The following STK3 variants were observed in gnomAD, a reference collection of about 807,000 sequenced individuals.
STK3 encodes serine/threonine-protein kinase 3.
STK3 carries 41 observed loss-of-function variants against 58.0 expected under a neutral mutation model. That is an observed-to-expected ratio of 0.71 (90% CI 0.55 to 0.92). The LOEUF (loss-of-function observed/expected upper bound fraction) is 0.92. Ranked by LOEUF, STK3 falls within the 40% of genes least tolerant of loss-of-function variation. The pLI, the probability that STK3 is intolerant of heterozygous loss-of-function variation, is 0.00. For missense variants in STK3, 479 were observed against 602.7 expected (o/e 0.79, Z 2.15); for synonymous variants, 170 against 191.0 (o/e 0.89, Z 0.91).
intron 6 of STK3, among the ~76,000 whole-genome samples, chr8:98,666,930 T>C (rs868234345): frequency 2.0e-5 from 3 of 152,112 alleles, no homozygotes; most frequent in Non-Finnish European, 4.4e-5. Context: ...GTGTAAACCT[T>C]AATTCGTATA....
chr8:98,569,008 G>A (rs1478049988), intron 8 of STK3, among the ~76,000 whole-genome samples: 1 of 152,190 alleles, frequency 6.6e-6, no homozygotes, highest in East Asian at 1.9e-4. Flanking sequence ...TATTAGGAAA[G>A]TTTTAAATAA....
At chr8:98,910,891 A>C (rs1403028058) in intron 1 of STK3, among the ~76,000 whole-genome samples, 8 of 152,352 alleles carry the variant, frequency 5.3e-5, no homozygotes, top group African/African-American at 1.9e-4. Context: ...TTATAGCCCC[A>C]GGGAGAGCAT....
At chr8:98,425,487 G>A (rs138113905) in intron 3 of STK3, among the ~76,000 whole-genome samples, 94 of 152,314 alleles carry the variant, frequency 6.2e-4, no homozygotes, top group African/African-American at 2.2e-3. Flanking sequence ...GAAAGAGGAA[G>A]TGTGTGTGGC....
intron 8 of STK3, among the ~76,000 whole-genome samples, chr8:98,550,704 C>T (rs1019022196): frequency 5.9e-5 from 9 of 152,106 alleles, no homozygotes; most frequent in African/African-American, 2.2e-4. Flanking sequence ...AGGACTCTCC[C>T]ATCTAACTTT....
intron 1 of STK3, among the ~76,000 whole-genome samples, chr8:98,783,748 T>C (rs1832271388): frequency 6.6e-6 from 1 of 152,258 alleles, no homozygotes; most frequent in Non-Finnish European, 1.5e-5. Context: ...GCTTTCTCAA[T>C]TAAGATTATG....
intron 3 of STK3, among the ~76,000 whole-genome samples, chr8:98,409,685 G>C (rs1464844793): frequency 6.6e-6 from 1 of 152,356 alleles, no homozygotes; most frequent in East Asian, 1.9e-4. Flanking sequence ...TAACTTATGT[G>C]TCAAACCATG....
chr8:98,659,923 C>G (rs946737810), intron 6 of STK3, among the ~76,000 whole-genome samples: 10 of 151,036 alleles, frequency 6.6e-5, no homozygotes, highest in African/African-American at 2.4e-4. Context: ...AAGAACAAAC[C>G]AGGCAAATGG....
At chr8:98,530,328 A>G (rs752676509) in intron 9 of STK3, among the ~76,000 whole-genome samples, 3 of 152,108 alleles carry the variant, frequency 2.0e-5, no homozygotes, top group Non-Finnish European at 4.4e-5. Context: ...CACTCTCTGA[A>G]AAGTCCCAGT....
At chr8:98,838,290 A>G (rs1209699054) in intron 3 of STK3, among the ~76,000 whole-genome samples, 1 of 151,982 alleles carries the variant, frequency 6.6e-6, no homozygotes, top group Non-Finnish European at 1.5e-5. Flanking sequence ...CTATAAACTA[A>G]TGTTTCTTGC....
chr8:98,444,064 T>C (rs1176818035), intron 1 of STK3, among the ~76,000 whole-genome samples: 2 of 152,268 alleles, frequency 1.3e-5, no homozygotes, highest in East Asian at 3.8e-4. Context: ...GGGCCTGTGC[T>C]GGTGCTACAG....
chr8:98,741,789 C>G (rs1161209070), intron 4 of STK3, among the ~76,000 whole-genome samples: 3 of 151,490 alleles, frequency 2.0e-5, no homozygotes, highest in Admixed American at 1.3e-4. Context: ...ACTAATGAAT[C>G]CAGGAGCTGG....
chr8:98,546,058 A>G (rs781689830), intron 9 of STK3, among the ~76,000 whole-genome samples: 3 of 152,152 alleles, frequency 2.0e-5, no homozygotes, highest in Non-Finnish European at 4.4e-5. Context: ...TAAAAACAAA[A>G]AACACAGAAA....
At chr8:98,424,849 C>T (rs928145418) in intron 3 of STK3, among the ~76,000 whole-genome samples, 2 of 152,154 alleles carry the variant, frequency 1.3e-5, no homozygotes, top group South Asian at 2.1e-4. Context: ...CTGGGAATGG[C>T]GACATGTGGC....
intron 3 of STK3, among the ~76,000 whole-genome samples, chr8:98,853,260 T>C (rs1005454697): frequency 6.6e-6 from 1 of 152,164 alleles, no homozygotes; most frequent in African/African-American, 2.4e-5. Flanking sequence ...TTACCTAATA[T>C]TGTCAGATAG....
Position 98,472,396 on chromosome 8 carries a change from C to G in STK3, c.1318-16396G>C, listed in dbSNP as rs191022829. 3.3e-4 allele frequency among the ~76,000 whole-genome samples: 50 copies of G among 152,268 alleles called. 1 individual carries two copies. The East Asian group carries it at 8.3e-3, about 25-fold the overall frequency. On this transcript the variant is annotated intron_variant, in intron 10 of 10. Coordinates refer to ENST00000419617, the MANE Select transcript of STK3 (RefSeq NM_006281.4). ...GAGTGTTTATTTCCTGGAATGTTTA[C>G]TCACATACACCTTATGGTGGAGAGG...
intron 3 of STK3, among the ~76,000 whole-genome samples, chr8:98,848,316 C>T (rs756053676): frequency 7.9e-5 from 12 of 151,572 alleles, no homozygotes; most frequent in Non-Finnish European, 1.6e-4. Context: ...GGTGACTTCT[C>T]AGTGCTCCCT....
At chr8:98,688,704 A>T (rs1032334354) in intron 6 of STK3, among the ~76,000 whole-genome samples, 4 of 152,150 alleles carry the variant, frequency 2.6e-5, no homozygotes, top group African/African-American at 9.7e-5. Context: ...AGGCATAAAT[A>T]AAAAAGTTCT....
intron 6 of STK3, among the ~76,000 whole-genome samples, chr8:98,611,465 T>A (rs1241234859): frequency 2.0e-5 from 3 of 152,154 alleles, no homozygotes; most frequent in African/African-American, 7.2e-5. Context: ...AAAAGAAATC[T>A]GTCAACACAG....
intron 3 of STK3, among the ~76,000 whole-genome samples, chr8:98,871,891 T>C (rs998443556): frequency 4.6e-5 from 7 of 151,946 alleles, no homozygotes; most frequent in African/African-American, 1.7e-4. Flanking sequence ...TGAATAGGAG[T>C]GGTGAGAGAG....
Sources: gnomAD v4.1 joint callset for allele counts (sites outside exome capture counted in the v4.1 genomes callset) on GRCh38, gnomAD v4.1.1 for gene constraint, MANE v1.5 for transcripts, NCBI Gene and HGNC (gene_info 2026-07-23, HGNC 2026-07-21) for gene names.